Variants in SNTG1 observed in about 807,000 individuals in gnomAD.
SNTG1 encodes syntrophin gamma 1.
A neutral mutation model predicts 74.7 loss-of-function variants in SNTG1; 39 were observed. The observed-to-expected ratio is 0.52, with a 90% CI of 0.40 to 0.68. The LOEUF (loss-of-function observed/expected upper bound fraction) is 0.68, where lower values mean the gene tolerates loss of function less well. Ranked by LOEUF, SNTG1 falls within the 30% of genes least tolerant of loss-of-function variation. The probability of loss-of-function intolerance (pLI) is 0.00; values close to 1 mark genes in which losing one functional copy is unlikely to be tolerated. For synonymous variants in SNTG1, 254 were observed against 217.1 expected (o/e 1.17, Z -1.49); for missense variants, 685 against 609.5 (o/e 1.12, Z -1.30).
At chr8:50,775,077 C>G (rs562180909) in intron 18 of SNTG1, among the ~76,000 whole-genome samples, 1 of 151,030 alleles carries the variant, frequency 6.6e-6, no homozygotes, top group East Asian at 1.9e-4. Context: ...AATAAAGGAA[C>G]AAAGATAAAA....
At chr8:50,532,827 A>G (rs1217964759) in intron 10 of SNTG1, among the ~76,000 whole-genome samples, 1 of 152,200 alleles carries the variant, frequency 6.6e-6, no homozygotes, top group Non-Finnish European at 1.5e-5. Context: ...CAGTCTATTT[A>G]AAAGAAACAT....
chr8:50,363,230 C>G (rs2092011940), intron 2 of SNTG1, among the ~76,000 whole-genome samples: 1 of 152,102 alleles, frequency 6.6e-6, no homozygotes, highest in Non-Finnish European at 1.5e-5. Flanking sequence ...TATCAAGTGC[C>G]AAGCATTTTT....
At chr8:50,010,768 C>G (rs993845195) in intron 1 of SNTG1, among the ~76,000 whole-genome samples, 4 of 147,562 alleles carry the variant, frequency 2.7e-5, no homozygotes, top group African/African-American at 7.5e-5. Context: ...CTGACATATC[C>G]AAGGACACAG....
intron 2 of SNTG1, among the ~76,000 whole-genome samples, chr8:50,273,837 G>C (rs2087925220): frequency 6.6e-6 from 1 of 152,132 alleles, no homozygotes; most frequent in South Asian, 2.1e-4. Flanking sequence ...AGAGTGATGA[G>C]AGAAAAGTCA....
intron 12 of SNTG1, among the ~76,000 whole-genome samples, chr8:50,579,910 C>G (rs1310186853): frequency 6.6e-6 from 1 of 152,164 alleles, no homozygotes; most frequent in Non-Finnish European, 1.5e-5. Context: ...TAGGCACTGC[C>G]CAGTGGAGCT....
At chr8:50,484,975 T>C (rs1222766786) in intron 8 of SNTG1, among the ~76,000 whole-genome samples, 1 of 152,174 alleles carries the variant, frequency 6.6e-6, no homozygotes, top group African/African-American at 2.4e-5. Flanking sequence ...CTTCATTTCA[T>C]GCGCAATGAT....
intron 8 of SNTG1, among the ~76,000 whole-genome samples, chr8:50,464,612 C>T (rs977244330): frequency 2.0e-5 from 3 of 151,976 alleles, no homozygotes; most frequent in Non-Finnish European, 4.4e-5. Context: ...ATAATAGCAA[C>T]AACTAAGATC....
intron 4 of SNTG1, among the ~76,000 whole-genome samples, chr8:50,418,909 A>C (rs1451498795): frequency 6.6e-6 from 1 of 152,164 alleles, no homozygotes; most frequent in Non-Finnish European, 1.5e-5. Context: ...TGTCAAAAAT[A>C]TATCCAGGAT....
chr8:50,164,281 C>T (rs2082535250), intron 1 of SNTG1: 1 of 152,032 alleles, frequency 6.6e-6, no homozygotes, highest in African/African-American at 2.4e-5. Flanking sequence ...CAGCGTGATG[C>T]ACAGTTACAA....
At chr8:50,438,180 C>T (rs1181453876) in intron 4 of SNTG1, among the ~76,000 whole-genome samples, 1 of 152,054 alleles carries the variant, frequency 6.6e-6, no homozygotes, top group East Asian at 1.9e-4. Context: ...CTCTGAGTTA[C>T]TTTTATATAA....
chr8:50,022,414 T>A (rs1816907939), intron 1 of SNTG1, among the ~76,000 whole-genome samples: 1 of 152,156 alleles, frequency 6.6e-6, no homozygotes, highest in Non-Finnish European at 1.5e-5. Flanking sequence ...TGAAGTAATG[T>A]CAACACACTA....
intron 2 of SNTG1, among the ~76,000 whole-genome samples, chr8:50,331,480 A>C (rs1329835637): frequency 6.6e-6 from 1 of 152,212 alleles, no homozygotes; most frequent in Non-Finnish European, 1.5e-5. Context: ...GTCTGGAAGA[A>C]TCAAACAAGA....
At chr8:50,221,512 T>TACACAAACACAC (rs1473729808) in intron 2 of SNTG1, among the ~76,000 whole-genome samples, 34 of 130,206 alleles carry the variant, frequency 2.6e-4, no homozygotes, top group African/African-American at 9.2e-4. Flanking sequence ...AACACACACA[T>TACACAAACACAC]ACACACACAC....
In SNTG1 at chr8:50,164,092, C is replaced by CTTTTTTTTTTTTTT. The variant is rs3086088; in HGVS notation, c.-102-8457_-102-8444dup. The CTTTTTTTTTTTTTT allele has an allele frequency of 2.9e-4, 21 of 71,996 alleles. 1 individual carries two copies. Among genetic ancestry groups the CTTTTTTTTTTTTTT allele is most frequent in the Non-Finnish European group, 4.6e-4 (17 of 36,576 alleles). 4.5% of individuals were successfully genotyped at this position (71,996 alleles called of 1,614,324 possible). On this transcript the variant is annotated intron_variant, in intron 1 of 18. Transcript: ENST00000642720. ...AGACTTTGATAGAAAGACACAATTTCTTTTTTTTTTTTTTTTTTTTTTTTT... is the reference window on the plus strand; with the variant it reads ...AGACTTTGATAGAAAGACACAATTTCTTTTTTTTTTTTTTTTTTTTTTTTTTTTTTTTTTTTTTT...
intron 16 of SNTG1, 94 bp from the exon 17 acceptor site, chr8:50,708,792 T>C: frequency 1.4e-6 from 1 of 696,294 alleles, no homozygotes. Context: ...TTAGATATTG[T>C]ATGAAGTACT....
chr8:50,245,670 A>G (rs1450322632), intron 2 of SNTG1, among the ~76,000 whole-genome samples: 1 of 152,128 alleles, frequency 6.6e-6, no homozygotes, highest in Non-Finnish European at 1.5e-5. Flanking sequence ...GTGGCAGAGT[A>G]AGAGTCCATC....
intron 1 of SNTG1, among the ~76,000 whole-genome samples, chr8:49,968,653 G>C (rs1811369298): frequency 6.6e-6 from 1 of 152,116 alleles, no homozygotes; most frequent in Non-Finnish European, 1.5e-5. Context: ...TCAGGATGCA[G>C]GTTATACCAA....
chr8:50,110,610 C>T (rs550281933), intron 1 of SNTG1, among the ~76,000 whole-genome samples: 1 of 152,322 alleles, frequency 6.6e-6, no homozygotes, highest in East Asian at 1.9e-4. Flanking sequence ...TAGGAACCAA[C>T]ACCAACTGCT....
At chr8:50,499,238 TG>T (rs1232835405) in intron 8 of SNTG1, among the ~76,000 whole-genome samples, 67 of 152,034 alleles carry the variant, frequency 4.4e-4, no homozygotes, top group Non-Finnish European at 1.5e-4. Context: ...CTCATAGCAA[TG>T]TTTTGTATAC....
Sources: allele counts gnomAD v4.1 joint callset (sites outside exome capture counted in the v4.1 genomes callset), GRCh38; gene constraint gnomAD v4.1.1; transcripts MANE v1.5; gene names NCBI Gene and HGNC (gene_info 2026-07-23, HGNC 2026-07-21).